Variants in RPE65 observed in about 807,000 individuals in gnomAD.
The protein encoded by RPE65 is retinoid isomerohydrolase RPE65.
Under a neutral mutation model 68.5 loss-of-function variants are expected in RPE65, and 58 were observed. That is an observed-to-expected ratio of 0.85 (90% confidence interval 0.69 to 1.05). The LOEUF (loss-of-function observed/expected upper bound fraction) is 1.05. RPE65 is among the 50% of genes least tolerant of loss of function. RPE65 has a pLI of 0.00. For synonymous variants in RPE65, 220 were observed against 222.2 expected (o/e 0.99, Z 0.09); for missense variants, 643 against 629.9 (o/e 1.02, Z -0.22).
In RPE65 at chr1:68,438,225, C is replaced by G; in HGVS notation, c.1090G>C (p.Glu364Gln). 2 of 1,613,958 alleles carry G rather than the reference C, an allele frequency of 1.2e-6. No individual in the cohort carries two copies. Among genetic ancestry groups the G allele is most frequent in the Non-Finnish European group, 1.7e-6 (2 of 1,179,946 alleles). ...KKNARKAPQP[E>Q]VRRYVLPLNI... ...AAAGGAAGTACATATCTCCTAACTT[C>G]AGGTTGGGGAGCCTTTCTGGCATTT... Residue 364 changes from glutamate to glutamine, a missense_variant, in exon 10 of 14, where the codon GAA (glutamate) becomes CAA (glutamine). Physicochemically the swap from Glu to Gln is conservative, Grantham distance 29. Coordinates refer to ENST00000262340, the MANE Select transcript of RPE65 (RefSeq NM_000329.3).
intron 10 of RPE65, among the ~76,000 whole-genome samples, chr1:68,433,609 A>C (rs2100810737): frequency 6.6e-6 from 1 of 152,276 alleles, no homozygotes; most frequent in African/African-American, 2.4e-5. Context: ...AAGTTTAAAG[A>C]GAGGAGGGTG....
At chr1:68,448,777 G>A in intron 1 of RPE65, 71 bp from the exon 2 acceptor site, 1 of 1,347,256 alleles carries the variant, frequency 7.4e-7, no homozygotes, top group East Asian at 2.8e-5. Context: ...AGGCAGAGCT[G>A]CAGGAGAGAA....
At chr1:68,433,961 T>C (rs1198847099) in intron 10 of RPE65, among the ~76,000 whole-genome samples, 1 of 151,898 alleles carries the variant, frequency 6.6e-6, no homozygotes, top group East Asian at 1.9e-4. Flanking sequence ...GTTCAATGGA[T>C]TGGAAGTTCC....
rs1645800390 is a variant in RPE65 at position 68,428,905 on chromosome 1, C to G, written c.*871G>C. On this transcript the variant is annotated 3_prime_UTR_variant, in exon 14 of 14. Coordinates refer to ENST00000262340, the MANE Select transcript of RPE65 (RefSeq NM_000329.3). ...AAAGGCTTAAAATGTATTAATACCT[C>G]AATGTTAATAATTTAATATTTTTCC... 6.6e-6 allele frequency: 1 copy of G among 152,042 alleles called. No individual in the cohort carries two copies. Among genetic ancestry groups the G allele is most frequent in the Non-Finnish European group, 1.5e-5 (1 of 67,972 alleles). 9.4% of individuals were successfully genotyped at this position (152,042 alleles called of 1,614,324 possible). A position where few individuals can be genotyped will look rare whatever the true frequency, so the allele number is the denominator to read the frequency against.
At chr1:68,444,905 G>A (rs1645931406) in intron 3 of RPE65, 22 bp from the exon 4 acceptor site, 4 of 1,608,166 alleles carry the variant, frequency 2.5e-6, no homozygotes, top group Non-Finnish European at 8.5e-7. Flanking sequence ...TGAAACATAG[G>A]GAAGAGTATA....
rs62636300 is a variant in RPE65 at position 68,431,328 on chromosome 1, T to C, written c.1292A>G (p.Tyr431Cys). The change falls in exon 12 of 14, where the codon TAC (tyrosine) becomes TGC (cysteine). Residue 431 changes from tyrosine (Y) to cysteine (C), a missense_variant. By Grantham distance (194) the Tyr-to-Cys change is radical. Coordinates refer to ENST00000262340, the MANE Select transcript of RPE65 (RefSeq NM_000329.3). The part of the protein sequence containing the change: ...INYQKYCGKP[Y>C]TYAYGLGLNH... ...CAAGCCAAGTCCATACGCATATGTG[T>C]AAGGTTTCCCACAATACTTCTGGTA... 8.7e-6 allele frequency: 14 copies of C among 1,614,060 alleles called. No individual in the cohort carries two copies. Among genetic ancestry groups the C allele is most frequent in the Non-Finnish European group, 1.1e-5 (13 of 1,179,952 alleles).
chr1:68,439,685 T>A (rs767125482), intron 6 of RPE65, 43 bp from the exon 7 acceptor site: 1 of 1,015,878 alleles, frequency 9.8e-7, no homozygotes, highest in Non-Finnish European at 1.4e-6. Flanking sequence ...GAGCCTCTTA[T>A]TTTTTTTTTA....
At chr1:68,444,929 C>A (rs3790471) in intron 3 of RPE65, 46 bp from the exon 4 acceptor site, 2 of 1,535,728 alleles carry the variant, frequency 1.3e-6, no homozygotes, top group Non-Finnish European at 1.8e-6. Flanking sequence ...AGGAGCAATC[C>A]GTACAGCCCA....
At chr1:68,438,123 G>A (rs1162405229) in intron 10 of RPE65, 64 bp downstream of exon 10, 4 of 1,597,474 alleles carry the variant, frequency 2.5e-6, no homozygotes, top group African/African-American at 1.3e-5. Flanking sequence ...TGAGGCAGGA[G>A]GACAATTCCT....
chr1:68,442,646 G>A (rs1254528784), intron 5 of RPE65, among the ~76,000 whole-genome samples: 23 of 152,190 alleles, frequency 1.5e-4, no homozygotes, highest in Admixed American at 1.5e-3. Flanking sequence ...TACAGTGCTA[G>A]TAACAGTGGA....
chr1:68,438,912 G>C, intron 9 of RPE65, 30 bp downstream of exon 9: 1 of 1,612,922 alleles, frequency 6.2e-7, no homozygotes, highest in Non-Finnish European at 8.5e-7. Context: ...ACAATGGGAG[G>C]TGTCCCATTT....
At chr1:68,442,858 G>C (rs1156508054) in intron 5 of RPE65, among the ~76,000 whole-genome samples, 1 of 152,192 alleles carries the variant, frequency 6.6e-6, no homozygotes, top group African/African-American at 2.4e-5. Flanking sequence ...AAGAGCTATG[G>C]GGAGTGTATG....
Position 68,439,325 on chromosome 1 carries a change from T to G in RPE65, c.726-2A>C, listed in dbSNP as rs878853372. 1 of 1,613,238 alleles carries G rather than the reference T, an allele frequency of 6.2e-7. No individual in the cohort carries two copies. Among genetic ancestry groups the G allele is most frequent in the South Asian group, 1.1e-5 (1 of 91,072 alleles). ...ATATAGTTGGGAGTCAGACCAAAAC[T>G]GTTCAGAAACACAAATGGGCTTGTG... is the stretch of plus-strand genomic sequence containing the variant. On this transcript the variant is annotated splice_acceptor_variant, in intron 7 of 13. Coordinates refer to ENST00000262340, the MANE Select transcript of RPE65 (RefSeq NM_000329.3). LOFTEE classifies it high-confidence loss of function.
intron 2 of RPE65, among the ~76,000 whole-genome samples, chr1:68,448,013 A>G (rs1645955161): frequency 6.6e-6 from 1 of 152,256 alleles, no homozygotes; most frequent in South Asian, 2.1e-4. Flanking sequence ...ACTGATAGTA[A>G]TAATTACTGT....
At position 68,438,929 on chromosome 1, in the gene RPE65, T is replaced by C; in HGVS notation, c.998+13A>G. 1 of 1,614,042 alleles carries C rather than the reference T, an allele frequency of 6.2e-7. No homozygotes were observed. The highest frequency in any genetic ancestry group is 8.5e-7 in the Non-Finnish European group (1 of 1,179,922). ...AATGGGAGGTGTCCCATTTGTCCAGTGTCCTTTCTTACCCTTTCCAGCAGC... is the reference window on the plus strand; with the variant it reads ...AATGGGAGGTGTCCCATTTGTCCAGCGTCCTTTCTTACCCTTTCCAGCAGC... On this transcript the variant is annotated intron_variant, in intron 9 of 13. Coordinates refer to ENST00000262340, the MANE Select transcript of RPE65 (RefSeq NM_000329.3).
At chr1:68,439,738 T>A in intron 6 of RPE65, 96 bp from the exon 7 acceptor site, 1 of 950,532 alleles carries the variant, frequency 1.1e-6, no homozygotes, top group Non-Finnish European at 1.7e-6. Context: ...AAGAAACACA[T>A]TTTGATTGTT....
chr1:68,431,156 T>A lies in RPE65; in HGVS notation c.1359A>T (p.Lys453Asn). The change falls in exon 13 of 14, where the codon AAA becomes AAT. Residue 453 changes from lysine to asparagine, a missense_variant. Transcript: ENST00000262340. ...VPDRLCKLNV[K>N]TKETWVWQEP... ...CTTGCCAAACCCAAGTTTCTTTAGT[T>A]TTGACATTCAGCTTACAGAGCTGTT... 1.9e-6 allele frequency: 3 copies of A among 1,613,832 alleles called. No homozygotes were observed. The South Asian group carries it at 3.3e-5, about 18-fold the overall frequency.
intron 10 of RPE65, among the ~76,000 whole-genome samples, chr1:68,435,342 T>G (rs751847300): frequency 6.6e-6 from 1 of 152,096 alleles, no homozygotes; most frequent in African/African-American, 2.4e-5. Context: ...TTTTAAATGT[T>G]TCTTTTGGAA....
chr1:68,438,102 A>G, intron 10 of RPE65, 85 bp downstream of exon 10: 1 of 1,529,092 alleles, frequency 6.5e-7, no homozygotes, highest in Non-Finnish European at 9.0e-7. Flanking sequence ...TCAAGACTTT[A>G]TGTATAAACA....
Sources: allele counts gnomAD v4.1 joint callset (sites outside exome capture counted in the v4.1 genomes callset), GRCh38; gene constraint gnomAD v4.1.1; transcripts MANE v1.5; gene names NCBI Gene and HGNC (gene_info 2026-07-23, HGNC 2026-07-21).